TNMD: variants seen among roughly 807,000 people sequenced by gnomAD.
TNMD encodes the protein BRICHOS domain containing 4.
TNMD carries 15 observed loss-of-function variants against 26.9 expected under a neutral mutation model. That is an observed-to-expected ratio of 0.56 (90% CI 0.37 to 0.86). The LOEUF (loss-of-function observed/expected upper bound fraction) is 0.86, where lower values mean the gene tolerates loss of function less well. TNMD is among the 40% of genes least tolerant of loss of function. TNMD has a pLI of 0.00. For missense variants in TNMD, 222 were observed against 242.6 expected (o/e 0.92, Z 0.56); for synonymous variants, 73 against 77.0 (o/e 0.95, Z 0.27).
intron 2 of TNMD, among the ~76,000 whole-genome samples, chrX:100,587,563 A>G (rs1354464867): frequency 1.8e-5 from 2 of 112,178 alleles, no homozygotes; most frequent in Non-Finnish European, 3.8e-5. Flanking sequence ...GTGGGGAGTT[A>G]TGATTCATTG....
chrX:100,598,928 C>T, intron 5 of TNMD, 88 bp from the exon 6 acceptor site: 1 of 787,823 alleles, frequency 1.3e-6, no homozygotes, highest in Non-Finnish European at 1.8e-6. Flanking sequence ...CAATGAAAAT[C>T]TCTATCCCCA....
At chrX:100,586,421 T>C (rs752619658) in intron 2 of TNMD, among the ~76,000 whole-genome samples, 80 of 110,622 alleles carry the variant, frequency 7.2e-4, no homozygotes, top group African/African-American at 2.5e-3. Flanking sequence ...AAAGGAGCAA[T>C]AGGAGCAGAG....
chrX:100,589,115 G>A (rs773306609), intron 2 of TNMD, among the ~76,000 whole-genome samples: 14 of 110,856 alleles, frequency 1.3e-4, no homozygotes, highest in Admixed American at 2.9e-4. Context: ...CATTTTGTGC[G>A]TGCCTATTTC....
chrX:100,588,214 T>C (rs183417793), intron 2 of TNMD, among the ~76,000 whole-genome samples: 47 of 111,581 alleles, frequency 4.2e-4, no homozygotes, highest in African/African-American at 1.5e-3. Flanking sequence ...TGTATCCAAA[T>C]TGAGAACAAG....
intron 4 of TNMD, among the ~76,000 whole-genome samples, 153 bp downstream of exon 4, chrX:100,594,515 C>G (rs1314454513): frequency 9.0e-6 from 1 of 111,532 alleles, no homozygotes; most frequent in Non-Finnish European, 1.9e-5. Context: ...GATCAGGAAA[C>G]TAGAACTCAG....
At chrX:100,593,583 A>C in intron 2 of TNMD, 1 of 166,401 alleles carries the variant, frequency 6.0e-6, no homozygotes, top group Non-Finnish European at 1.1e-5. Flanking sequence ...GCGGGGCAGT[A>C]AGGGGGGGGT....
chrX:100,597,081 C>T (rs916453057), intron 4 of TNMD, among the ~76,000 whole-genome samples: 2 of 112,091 alleles, frequency 1.8e-5, no homozygotes, highest in Admixed American at 9.5e-5. Flanking sequence ...TTGTCAGCTT[C>T]GGGTCAAATC....
intron 2 of TNMD, chrX:100,593,639 C>A: frequency 4.3e-6 from 1 of 232,244 alleles, no homozygotes; most frequent in Non-Finnish European, 7.4e-6. Context: ...CTTAAAGAAG[C>A]AGCATAGGTT....
At chrX:100,598,786 G>C (rs182098720) in intron 5 of TNMD, among the ~76,000 whole-genome samples, 1 of 112,116 alleles carries the variant, frequency 8.9e-6, no homozygotes, top group Admixed American at 9.4e-5. Flanking sequence ...AGCAGTAAAT[G>C]TTTGATGCCA....
chrX:100,592,103 A>G (rs914044796), intron 2 of TNMD, among the ~76,000 whole-genome samples: 1 of 111,169 alleles, frequency 9.0e-6, no homozygotes, highest in Non-Finnish European at 1.9e-5. Context: ...TAAACACCCC[A>G]CCGCAGCCCC....
In TNMD at chrX:100,599,698, G is replaced by A. The variant is rs374009950; in HGVS notation, c.935G>A (p.Arg312His). Residue 312 changes from arginine to histidine, a missense_variant, in exon 7 of 7, where the codon CGC (arginine) becomes CAC (histidine). Transcript: ENST00000373031. ...VIMPCNWWVA[R>H]MLGRV ...ATGCCTTGTAACTGGTGGGTGGCCC[G>A]CATGCTGGGGAGGGTCTAATAGGAG... The A allele has an allele frequency of 7.4e-6, 9 of 1,208,891 alleles. No individual in the cohort carries two copies. In the African/African-American group the frequency reaches 8.8e-5, roughly 12 times the overall value.
rs2082919490 is a variant in TNMD at position 100,585,457 on chromosome X, T to C, written c.180+95T>C. 4 of 920,026 alleles carry C rather than the reference T, an allele frequency of 4.3e-6. No individual in the cohort carries two copies. The East Asian group carries it at 1.3e-4, about 31-fold the overall frequency. 75.8% of individuals were successfully genotyped at this position (920,026 alleles called of 1,213,427 possible). The stretch of plus-strand genomic sequence containing the variant: ...AAATTATTCTGAAAATGAAAATCAT[T>C]AAGTCTCTTTTGTGTTTATTTTCTG... On this transcript the variant is annotated intron_variant, in intron 2 of 6. Coordinates refer to ENST00000373031, the MANE Select transcript of TNMD (RefSeq NM_022144.3).
chrX:100,588,723 C>T (rs965678186), intron 2 of TNMD, among the ~76,000 whole-genome samples: 3 of 112,059 alleles, frequency 2.7e-5, no homozygotes, highest in Admixed American at 1.9e-4. Flanking sequence ...AGCCCTTAAA[C>T]CAACAGTTTA....
intron 5 of TNMD, among the ~76,000 whole-genome samples, chrX:100,598,087 A>G (rs758534291): frequency 8.9e-6 from 1 of 112,130 alleles, no homozygotes; most frequent in Admixed American, 9.5e-5. Context: ...AAGATAGGAC[A>G]ATCACTGCAA....
At chrX:100,589,043 A>C (rs1009635007) in intron 2 of TNMD, among the ~76,000 whole-genome samples, 12 of 111,683 alleles carry the variant, frequency 1.1e-4, no homozygotes, top group African/African-American at 3.9e-4. Context: ...TGAGTCCACT[A>C]TCATTCTAGG....
At position 100,585,079 on chromosome X, in the gene TNMD, A is replaced by C. The variant is rs1383402141; in HGVS notation, c.48+13A>C. ...TCACATTCTAAATGTAAGTTGATTC[A>C]TATTTTTTCCCTTTTGAGCAGAAGC... is the stretch of plus-strand genomic sequence containing the variant. On this transcript the variant is annotated intron_variant, in intron 1 of 6. Coordinates refer to ENST00000373031, the MANE Select transcript of TNMD (RefSeq NM_022144.3). 4.2e-6 allele frequency: 5 copies of C among 1,204,259 alleles called. No individual in the cohort carries two copies.
At chrX:100,589,239 C>T (rs910082728) in intron 2 of TNMD, among the ~76,000 whole-genome samples, 3 of 110,199 alleles carry the variant, frequency 2.7e-5, no homozygotes, top group Admixed American at 9.7e-5. Context: ...CACCACAGTC[C>T]GGTGGGTGAA....
intron 2 of TNMD, among the ~76,000 whole-genome samples, chrX:100,590,783 G>A (rs1170644688): frequency 8.9e-6 from 1 of 111,820 alleles, no homozygotes; most frequent in Non-Finnish European, 1.9e-5. Flanking sequence ...GTGCTGGAAA[G>A]ATGCCCTTGC....
At position 100,593,365 on chromosome X, in the gene TNMD, C is replaced by T. The variant is rs991750431; in HGVS notation, c.181-530C>T. On this transcript the variant is annotated intron_variant, in intron 2 of 6. Coordinates refer to ENST00000373031, the MANE Select transcript of TNMD (RefSeq NM_022144.3). ...GCTAAGGGAAGGCAATAAATGTTTC[C>T]TGGAGTTTAAGGGGCAAAAGGAAGC... is the stretch of plus-strand genomic sequence containing the variant. 4.4e-5 allele frequency: 33 copies of T among 751,695 alleles called. No individual in the cohort carries two copies. In the African/African-American group the frequency reaches 7.5e-4, roughly 17 times the overall value. 61.9% of individuals were successfully genotyped at this position (751,695 alleles called of 1,213,427 possible).
Sources: gnomAD v4.1 joint callset for allele counts (sites outside exome capture counted in the v4.1 genomes callset) on GRCh38, gnomAD v4.1.1 for gene constraint, MANE v1.5 for transcripts, NCBI Gene and HGNC (gene_info 2026-07-23, HGNC 2026-07-21) for gene names.